Variants in TMCC1 observed in about 807,000 individuals in gnomAD.
TMCC1 encodes the protein transmembrane and coiled-coil domains protein 1.
In TMCC1, 15 loss-of-function variants were observed where a neutral mutation model predicts 52.4. The ratio of observed to expected loss-of-function variants is 0.29; its 90% CI spans 0.19 to 0.44. TMCC1 has a LOEUF of 0.44. Ranked by LOEUF, TMCC1 falls within the 20% of genes least tolerant of loss-of-function variation. The pLI, the probability that TMCC1 is intolerant of heterozygous loss-of-function variation, is 1.00. For missense variants in TMCC1, 503 were observed against 806.0 expected, an observed-to-expected ratio of 0.62 and a Z score of 4.55; for synonymous variants, 279 against 301.9, an observed-to-expected ratio of 0.92 and a Z score of 0.79.
chr3:129,666,671 C>T (rs774972508), intron 5 of TMCC1, among the ~76,000 whole-genome samples: 24 of 152,032 alleles, frequency 1.6e-4, no homozygotes, highest in Admixed American at 1.4e-3. Context: ...ACCCAGGAGG[C>T]GGAGGTTGCA....
chr3:129,838,407 T>C (rs2059261929), intron 2 of TMCC1, among the ~76,000 whole-genome samples: 2 of 150,384 alleles, frequency 1.3e-5, no homozygotes, highest in Non-Finnish European at 3.0e-5. Context: ...AGACCCTGTC[T>C]CAAAAAATAA....
intron 4 of TMCC1, among the ~76,000 whole-genome samples, chr3:129,672,955 T>C (rs1306361671): frequency 6.6e-6 from 1 of 152,152 alleles, no homozygotes. Context: ...ACACATTTAG[T>C]TCATTATTGA....
At chr3:129,836,276 C>T (rs1293593696) in intron 2 of TMCC1, among the ~76,000 whole-genome samples, 1 of 152,084 alleles carries the variant, frequency 6.6e-6, no homozygotes, top group Non-Finnish European at 1.5e-5. Context: ...TTGTATTCTT[C>T]TCAGTAGGTG....
intron 2 of TMCC1, among the ~76,000 whole-genome samples, chr3:129,837,147 T>A (rs1414323030): frequency 6.6e-6 from 1 of 152,038 alleles, no homozygotes; most frequent in African/African-American, 2.4e-5. Context: ...AGGATACTAT[T>A]GAATCCCCAT....
intron 4 of TMCC1, among the ~76,000 whole-genome samples, chr3:129,760,454 C>CTGTGTGTGTGTGTGTGTGTGTG (rs61394124): frequency 7.8e-6 from 1 of 128,978 alleles, no homozygotes; most frequent in Non-Finnish European, 1.6e-5. Context: ...CAGTCTCGCT[C>CTGTGTGTGTGTGTGTGTGTGTG]TGTGTGTGTG....
chr3:129,730,712 T>A (rs1350684737), intron 4 of TMCC1, among the ~76,000 whole-genome samples: 1 of 152,230 alleles, frequency 6.6e-6, no homozygotes, highest in African/African-American at 2.4e-5. Flanking sequence ...GATTTCTGAT[T>A]GGAATTGTGT....
intron 4 of TMCC1, among the ~76,000 whole-genome samples, chr3:129,776,513 G>A (rs2055049288): frequency 6.6e-6 from 1 of 152,204 alleles, no homozygotes; most frequent in Non-Finnish European, 1.5e-5. Flanking sequence ...CCAGAGGAAT[G>A]TGAACATTCA....
At chr3:129,697,765 C>T (rs554010187) in intron 4 of TMCC1, among the ~76,000 whole-genome samples, 2 of 152,302 alleles carry the variant, frequency 1.3e-5, no homozygotes, top group African/African-American at 4.8e-5. Context: ...CAAAGTGCCG[C>T]CAGTCTCTTT....
rs142470696 is a variant in TMCC1, at chr3:129,705,993, C to T, written c.577-34729G>A. On this transcript the variant is annotated intron_variant, in intron 4 of 6. Transcript: ENST00000393238. ...GCCACCTTTGCCTCCCAGGTTCAAG[C>T]GATTCTCCTGCCTCAGCCTCCCAAG... is the stretch of plus-strand genomic sequence containing the variant. Among the ~76,000 whole-genome samples the T allele has an allele frequency of 2.6e-3, 386 of 150,848 alleles. 4 individuals are homozygous for T. Among genetic ancestry groups the T allele is most frequent in the African/African-American group, 8.2e-3 (338 of 41,000 alleles).
intron 2 of TMCC1, among the ~76,000 whole-genome samples, chr3:129,836,372 T>C (rs538860613): frequency 6.6e-6 from 1 of 152,256 alleles, no homozygotes; most frequent in East Asian, 1.9e-4. Flanking sequence ...AAGACATTAA[T>C]ATGACACAGC....
intron 2 of TMCC1, among the ~76,000 whole-genome samples, chr3:129,878,708 T>G (rs2061334714): frequency 6.6e-6 from 1 of 152,202 alleles, no homozygotes; most frequent in South Asian, 2.1e-4. Context: ...TTTTGCTCAG[T>G]GTAAATGCTG....
chr3:129,747,143 A>C (rs1315383229), intron 4 of TMCC1, among the ~76,000 whole-genome samples: 1 of 152,204 alleles, frequency 6.6e-6, no homozygotes, highest in African/African-American at 2.4e-5. Flanking sequence ...TGCTCTATTA[A>C]CGTAAGCTGC....
intron 4 of TMCC1, among the ~76,000 whole-genome samples, chr3:129,738,157 G>A (rs1468549884): frequency 6.6e-6 from 1 of 151,492 alleles, no homozygotes; most frequent in Non-Finnish European, 1.5e-5. Flanking sequence ...TGTAACCCCA[G>A]CTACTCAGGA....
intron 4 of TMCC1, among the ~76,000 whole-genome samples, chr3:129,734,335 G>C (rs1314235136): frequency 1.3e-5 from 2 of 152,164 alleles, no homozygotes; most frequent in Admixed American, 1.3e-4. Flanking sequence ...TGCATAACAT[G>C]TAGAAGAGAA....
At chr3:129,879,830 T>C (rs2061382410) in intron 2 of TMCC1, among the ~76,000 whole-genome samples, 1 of 152,166 alleles carries the variant, frequency 6.6e-6, no homozygotes, top group Admixed American at 6.5e-5. Context: ...CTATGCAGAA[T>C]GAGAACAAAT....
intron 4 of TMCC1, among the ~76,000 whole-genome samples, chr3:129,782,403 G>A (rs1288441151): frequency 6.6e-6 from 1 of 152,148 alleles, no homozygotes; most frequent in Non-Finnish European, 1.5e-5. Context: ...TTTCACTGAG[G>A]AGGGAAAGAT....
chr3:129,654,971 G>C lies in TMCC1; in HGVS notation c.1644C>G (p.Ile548Met). ...ACACCTTTTCCTTCATACTAACCTGGATGTCCCGGGCCCGTTCATAGGACT... is the reference window on the plus strand; with the variant it reads ...ACACCTTTTCCTTCATACTAACCTGCATGTCCCGGGCCCGTTCATAGGACT... ...AYQSYERARD[I>M]QEALEACQTR... Residue 548 changes from isoleucine to methionine, a missense_variant, in exon 6 of 7, where the codon ATC (isoleucine) becomes ATG (methionine). By Grantham distance (10) the Ile-to-Met change is conservative. Coordinates refer to ENST00000393238, the MANE Select transcript of TMCC1 (RefSeq NM_001017395.5). 1 of 1,613,374 alleles carries C rather than the reference G, an allele frequency of 6.2e-7. No individual in the cohort carries two copies. Among genetic ancestry groups the C allele is most frequent in the Non-Finnish European group, 8.5e-7 (1 of 1,179,894 alleles).
At chr3:129,855,525 A>C (rs1453870371) in intron 2 of TMCC1, among the ~76,000 whole-genome samples, 2 of 152,152 alleles carry the variant, frequency 1.3e-5, no homozygotes, top group African/African-American at 4.8e-5. Context: ...AAAAAGGAGA[A>C]GAAATGAGGG....
At chr3:129,813,266 A>G (rs545454054) in intron 4 of TMCC1, among the ~76,000 whole-genome samples, 1 of 152,362 alleles carries the variant, frequency 6.6e-6, no homozygotes, top group African/African-American at 2.4e-5. Context: ...TTTCTCAAAT[A>G]ACTTAAAACA....
Sources: allele counts gnomAD v4.1 joint callset (sites outside exome capture counted in the v4.1 genomes callset), GRCh38; gene constraint gnomAD v4.1.1; transcripts MANE v1.5; gene names NCBI Gene and HGNC (gene_info 2026-07-23, HGNC 2026-07-21).